EYA1: variants seen among roughly 807,000 people sequenced by gnomAD.
EYA1 encodes the protein EYA transcriptional coactivator and phosphatase 1.
A neutral mutation model predicts 82.0 loss-of-function variants in EYA1; 16 were observed. The observed-to-expected ratio is 0.20, with a 90% CI of 0.13 to 0.30. The LOEUF (loss-of-function observed/expected upper bound fraction) is 0.30. Among genes scored for constraint, EYA1 ranks in the 10% least tolerant of loss-of-function variants. The pLI is 1.00. For missense variants in EYA1, 633 were observed against 730.7 expected, an observed-to-expected ratio of 0.87 and a Z score of 1.54; for synonymous variants, 261 against 264.4, an observed-to-expected ratio of 0.99 and a Z score of 0.12.
At chr8:71,380,849 A>C (rs16937619) in intron 2 of EYA1, among the ~76,000 whole-genome samples, 40,380 of 152,070 alleles carry the variant, frequency 0.27, 5,751 homozygotes, top group Middle Eastern at 0.35. Flanking sequence ...TCCACATCCA[A>C]ATCCAAACCC....
At chr8:71,485,157 G>T (rs905625218) in intron 2 of EYA1, among the ~76,000 whole-genome samples, 4 of 152,180 alleles carry the variant, frequency 2.6e-5, no homozygotes, top group Admixed American at 6.5e-5. Flanking sequence ...AAAGTAGATA[G>T]GAAAATGCTT....
chr8:71,412,340 T>C (rs1830643241), intron 2 of EYA1, among the ~76,000 whole-genome samples: 1 of 148,900 alleles, frequency 6.7e-6, no homozygotes, highest in Non-Finnish European at 1.5e-5. Context: ...GTAACTAACC[T>C]GCACAATGTG....
intron 6 of EYA1, among the ~76,000 whole-genome samples, chr8:71,319,179 C>T (rs1026863790): frequency 1.6e-4 from 24 of 151,514 alleles, no homozygotes; most frequent in African/African-American, 5.3e-4. Context: ...CACCCAGGCT[C>T]GAGTGCAGTG....
chr8:71,379,677 C>T (rs1207532696), intron 2 of EYA1, among the ~76,000 whole-genome samples: 1 of 152,154 alleles, frequency 6.6e-6, no homozygotes, highest in East Asian at 1.9e-4. Flanking sequence ...TCAATCTGCC[C>T]TCAACACTGT....
intron 2 of EYA1, among the ~76,000 whole-genome samples, chr8:71,463,572 GCTTTCTCTCTCTCTCTCT>G (rs1808531253): frequency 9.7e-5 from 9 of 92,578 alleles, no homozygotes; most frequent in African/African-American, 2.5e-4. Flanking sequence ...AGAAATACAT[GCTTTCTCTCTCTCTCTCT>G]CTCTCTCTCT....
intron 6 of EYA1, among the ~76,000 whole-genome samples, chr8:71,318,007 G>A (rs1021716199): frequency 1.3e-5 from 2 of 152,124 alleles, no homozygotes; most frequent in Admixed American, 6.5e-5. Flanking sequence ...AAGAGTTGAA[G>A]ATCATCTCCT....
intron 7 of EYA1, among the ~76,000 whole-genome samples, chr8:71,311,984 T>C (rs1213303071): frequency 6.6e-6 from 1 of 152,194 alleles, no homozygotes; most frequent in Non-Finnish European, 1.5e-5. Flanking sequence ...GAAGGATCAC[T>C]TGGAGCAAAT....
intron 12 of EYA1, among the ~76,000 whole-genome samples, chr8:71,217,224 T>A (rs1417022857): frequency 7.2e-5 from 11 of 152,180 alleles, no homozygotes; most frequent in Non-Finnish European, 1.5e-4. Context: ...AGCAACATCG[T>A]TAAGGACTAC....
intron 2 of EYA1, among the ~76,000 whole-genome samples, chr8:71,475,235 T>C (rs1200344609): frequency 6.6e-6 from 1 of 152,198 alleles, no homozygotes; most frequent in Non-Finnish European, 1.5e-5. Flanking sequence ...TAATAGTGTG[T>C]GTAGCTAGGG....
chr8:71,213,575 C>T (rs1278630699), intron 16 of EYA1, among the ~76,000 whole-genome samples: 1 of 152,118 alleles, frequency 6.6e-6, no homozygotes, highest in Admixed American at 6.5e-5. Flanking sequence ...ATATTTCTTG[C>T]TTTTTGATAT....
rs117182611 is a variant in EYA1, at chr8:71,385,373, C to T, written c.34-28862G>A. 4.0e-3 allele frequency among the ~76,000 whole-genome samples: 607 copies of T among 152,114 alleles called. 9 individuals carry two copies. The East Asian group carries it at 0.043, about 11-fold the overall frequency. On this transcript the variant is annotated intron_variant, in intron 2 of 18. Transcript: ENST00000643681. ...CTCTAACCCTAAAAGAATAAATGAT[C>T]ACTCTCACCTGAGCCACCACGTAAA... is the stretch of plus-strand genomic sequence containing the variant.
rs1278641146 is a variant in EYA1, at chr8:71,198,039, G to A, written c.*1301C>T. On this transcript the variant is annotated 3_prime_UTR_variant, in exon 18 of 18. Coordinates refer to ENST00000340726, the MANE Select transcript of EYA1 (RefSeq NM_000503.6). ...GAAGAAAGAGAAAATACGCACATAG[G>A]GAGTAATGCAAAGTTTGCTGATTTC... 1 of 152,184 alleles carries A rather than the reference G, an allele frequency of 6.6e-6. No homozygotes were observed. Among genetic ancestry groups the A allele is most frequent in the African/African-American group, 2.4e-5 (1 of 41,434 alleles). 9.4% of individuals were successfully genotyped at this position (152,184 alleles called of 1,614,324 possible). A position where few individuals can be genotyped will look rare whatever the true frequency, so the allele number is the denominator to read the frequency against.
chr8:71,205,443 T>TTGACAACAA (rs1807641324), intron 17 of EYA1, among the ~76,000 whole-genome samples: 1 of 152,138 alleles, frequency 6.6e-6, no homozygotes, highest in Non-Finnish European at 1.5e-5. Context: ...CTGGTGGATT[T>TTGACAACAA]TGACAACAAA....
chr8:71,330,093 C>T (rs562051142), intron 4 of EYA1, among the ~76,000 whole-genome samples: 45 of 152,192 alleles, frequency 3.0e-4, no homozygotes, highest in African/African-American at 1.1e-3. Flanking sequence ...GGCGGGCAGG[C>T]AACAAGGTCA....
chr8:71,378,200 C>A (rs908039543), intron 2 of EYA1, among the ~76,000 whole-genome samples: 6 of 152,074 alleles, frequency 3.9e-5, no homozygotes, highest in African/African-American at 9.7e-5. Context: ...CCCCCTCCCA[C>A]CCCCAGTCTT....
chr8:71,430,903 GAAA>G (rs10576758), intron 2 of EYA1, among the ~76,000 whole-genome samples: 30 of 135,868 alleles, frequency 2.2e-4, no homozygotes, highest in Middle Eastern at 7.7e-3. Context: ...CTAGAAAGGA[GAAA>G]AAAAAAAAAA....
chr8:71,237,159 C>T lies in EYA1; in HGVS notation c.1140+7444G>A, dbSNP rs553279032. 2.2e-4 allele frequency among the ~76,000 whole-genome samples: 34 copies of T among 152,082 alleles called. No homozygotes were observed. The South Asian group carries it at 6.9e-3, about 31-fold the overall frequency. On this transcript the variant is annotated intron_variant, in intron 12 of 17. Coordinates refer to ENST00000340726, the MANE Select transcript of EYA1 (RefSeq NM_000503.6). ...CTCCGCCTCCCGGGTTCAAGGGATTCTCCTGCCTCAGCCTCCAGAGTAACT... is the reference window on the plus strand; with the variant it reads ...CTCCGCCTCCCGGGTTCAAGGGATTTTCCTGCCTCAGCCTCCAGAGTAACT...
intron 12 of EYA1, among the ~76,000 whole-genome samples, chr8:71,242,119 T>G (rs1399364311): frequency 6.6e-6 from 1 of 152,064 alleles, no homozygotes; most frequent in Non-Finnish European, 1.5e-5. Flanking sequence ...TGAGGCAGAA[T>G]TGCTTGAACC....
chr8:71,367,773 G>A (rs1446118991), intron 2 of EYA1, among the ~76,000 whole-genome samples: 1 of 152,192 alleles, frequency 6.6e-6, no homozygotes, highest in African/African-American at 2.4e-5. Context: ...ATGCTTGCAA[G>A]CGATCAAATT....
Sources: allele counts gnomAD v4.1 joint callset (sites outside exome capture counted in the v4.1 genomes callset), GRCh38; gene constraint gnomAD v4.1.1; transcripts MANE v1.5; gene names NCBI Gene and HGNC (gene_info 2026-07-23, HGNC 2026-07-21).